ALDH1L1: variants seen among roughly 807,000 people sequenced by gnomAD.
ALDH1L1 encodes cytosolic 10-formyltetrahydrofolate dehydrogenase.
ALDH1L1 carries 68 observed loss-of-function variants against 101.1 expected under a neutral mutation model. The observed-to-expected ratio is 0.67, with a 90% CI of 0.55 to 0.82. The LOEUF (loss-of-function observed/expected upper bound fraction) is 0.82, where lower values mean the gene tolerates loss of function less well. Ranked by LOEUF, ALDH1L1 falls within the 40% of genes least tolerant of loss-of-function variation. The pLI, the probability that ALDH1L1 is intolerant of heterozygous loss-of-function variation, is 0.00. For missense variants in ALDH1L1, 1,087 were observed against 1,172.7 expected (o/e 0.93, Z 1.07); for synonymous variants, 486 against 470.8 (o/e 1.03, Z -0.42).
chr3:126,121,554 G>T (rs2080079126), intron 16 of ALDH1L1, among the ~76,000 whole-genome samples: 1 of 152,152 alleles, frequency 6.6e-6, no homozygotes, highest in East Asian at 1.9e-4. Flanking sequence ...GTGCATTTCT[G>T]GAAGGCCAGC....
intron 5 of ALDH1L1, among the ~76,000 whole-genome samples, chr3:126,155,106 G>A (rs2080879147): frequency 6.6e-6 from 1 of 152,126 alleles, no homozygotes; most frequent in South Asian, 2.1e-4. Context: ...CACTACGGCT[G>A]ACGTTTTGCC....
Position 126,124,424 on chromosome 3 carries a change from C to T in ALDH1L1, c.1828G>A (p.Ala610Thr). ...ATGCCGGCCTTTAATGTCAGCTCTGCAAACTTCAAGGCTGTGAGTGGGGTC... is the reference window on the plus strand; with the variant it reads ...ATGCCGGCCTTTAATGTCAGCTCTGTAAACTTCAAGGCTGTGAGTGGGGTC... ...QVTPLTALKFAELTLKAGIPK... is the reference protein window; with the variant it reads ...QVTPLTALKFTELTLKAGIPK... The change falls in exon 16 of 23, where the codon GCA becomes ACA. Residue 610 changes from alanine to threonine, a missense_variant. Physicochemically the swap from Ala to Thr is moderately conservative, Grantham distance 58 (BLOSUM62 0). Around this residue, in one of 2 missense-constraint regions of ALDH1L1, gnomAD observed 442 missense variants for 535.7 expected, o/e 0.83. Coordinates refer to ENST00000393434, the MANE Select transcript of ALDH1L1 (RefSeq NM_012190.4). 6.2e-7 allele frequency: 1 copy of T among 1,612,400 alleles called. No individual in the cohort carries two copies. The highest frequency in any genetic ancestry group is 2.2e-5 in the East Asian group (1 of 44,694).
chr3:126,121,832 A>T (rs2080085458), intron 16 of ALDH1L1, among the ~76,000 whole-genome samples: 1 of 152,224 alleles, frequency 6.6e-6, no homozygotes. Context: ...CCAGCGAAGG[A>T]AGCTGGCATC....
At chr3:126,163,214 C>T (rs893164816) in intron 1 of ALDH1L1, among the ~76,000 whole-genome samples, 1 of 152,022 alleles carries the variant, frequency 6.6e-6, no homozygotes. Flanking sequence ...AATGTTTATT[C>T]GAGTTTTGAC....
chr3:126,185,177 G>A (rs183198654), upstream of ALDH1L1, among the ~76,000 whole-genome samples: 3 of 152,302 alleles, frequency 2.0e-5, no homozygotes, highest in East Asian at 5.8e-4. Flanking sequence ...ATGCTTCTGG[G>A]CCACAGAGCT....
intron 20 of ALDH1L1, 124 bp downstream of exon 20, chr3:126,109,820 G>A: frequency 2.2e-6 from 3 of 1,380,644 alleles, no homozygotes; most frequent in Non-Finnish European, 2.0e-6. Flanking sequence ...CCCAGATGGG[G>A]CTGCAGCCTG....
chr3:126,130,185 C>G, intron 14 of ALDH1L1, 38 bp downstream of exon 14: 2 of 1,565,802 alleles, frequency 1.3e-6, no homozygotes, highest in South Asian at 2.4e-5. Flanking sequence ...GCATGGAAAG[C>G]ACCGCGAGGC....
At chr3:126,157,939 TC>T (rs1330752883) in intron 3 of ALDH1L1, among the ~76,000 whole-genome samples, 2 of 152,134 alleles carry the variant, frequency 1.3e-5, no homozygotes, top group African/African-American at 4.8e-5. Context: ...GGGAATTCTG[TC>T]CCCTCAGAGT....
At chr3:126,118,988 C>A (rs2080029027) in intron 16 of ALDH1L1, among the ~76,000 whole-genome samples, 1 of 152,206 alleles carries the variant, frequency 6.6e-6, no homozygotes, top group African/African-American at 2.4e-5. Flanking sequence ...TGCCTCCTCC[C>A]AGACTCAGCG....
intron 17 of ALDH1L1, 30 bp downstream of exon 17, chr3:126,117,975 C>A: frequency 6.3e-7 from 1 of 1,587,018 alleles, no homozygotes; most frequent in Non-Finnish European, 8.6e-7. Flanking sequence ...CCACAGCAGC[C>A]CCTCCTCTGC....
chr3:126,112,694 T>C (rs1946116886), intron 19 of ALDH1L1, 88 bp downstream of exon 19: 2 of 1,317,232 alleles, frequency 1.5e-6, no homozygotes, highest in East Asian at 2.3e-5. Context: ...CACTTGACCC[T>C]GCCCTGTCTC....
At chr3:126,138,453 A>G (rs1403557616) in intron 9 of ALDH1L1, among the ~76,000 whole-genome samples, 1 of 152,222 alleles carries the variant, frequency 6.6e-6, no homozygotes, top group East Asian at 1.9e-4. Context: ...AAACAACCTA[A>G]TTAAAAATGA....
chr3:126,147,031 G>C (rs2080705962), intron 8 of ALDH1L1, 105 bp from the exon 9 acceptor site: 2 of 1,099,962 alleles, frequency 1.8e-6, no homozygotes, highest in Non-Finnish European at 2.6e-6. Flanking sequence ...CTGGGGCCAG[G>C]CTGGGCTTCT....
At chr3:126,142,915 T>C (rs914228534) in intron 9 of ALDH1L1, among the ~76,000 whole-genome samples, 1 of 152,208 alleles carries the variant, frequency 6.6e-6, no homozygotes, top group Non-Finnish European at 1.5e-5. Context: ...GGCTGAACCT[T>C]ACACTGTGCT....
At chr3:126,171,090 A>C (rs1208314804) in intron 1 of ALDH1L1, among the ~76,000 whole-genome samples, 1 of 152,148 alleles carries the variant, frequency 6.6e-6, no homozygotes, top group Non-Finnish European at 1.5e-5. Context: ...CGAGGTAAGG[A>C]GATCAAGACC....
chr3:126,175,995 G>A (rs2081358707), intron 1 of ALDH1L1, among the ~76,000 whole-genome samples: 1 of 152,098 alleles, frequency 6.6e-6, no homozygotes, highest in South Asian at 2.1e-4. Context: ...CAAAGTTGCT[G>A]GATGTAAAGT....
upstream of ALDH1L1, among the ~76,000 whole-genome samples, chr3:126,184,429 G>A (rs902471126): frequency 3.9e-5 from 6 of 152,206 alleles, 1 homozygote; most frequent in Admixed American, 2.0e-4. Context: ...TTTATCAACT[G>A]CAACACCTCT....
chr3:126,181,719 G>T (rs2108348827), upstream of ALDH1L1, among the ~76,000 whole-genome samples: 1 of 152,328 alleles, frequency 6.6e-6, no homozygotes, highest in Admixed American at 6.5e-5. Context: ...CAGGAAATTT[G>T]TGAGATGTAT....
upstream of ALDH1L1, among the ~76,000 whole-genome samples, chr3:126,183,216 G>C (rs1405582332): frequency 2.0e-5 from 3 of 152,230 alleles, no homozygotes; most frequent in Non-Finnish European, 4.4e-5. Context: ...AGTCTCAGCA[G>C]AAGCCCAAGA....
Sources: allele counts gnomAD v4.1 joint callset (sites outside exome capture counted in the v4.1 genomes callset), GRCh38; gene constraint gnomAD v4.1.1; regional missense constraint gnomAD v4.1.1; transcripts MANE v1.5; gene names NCBI Gene and HGNC (gene_info 2026-07-23, HGNC 2026-07-21).